The following WNT9B variants were observed in gnomAD, a reference collection of about 807,000 sequenced individuals.
WNT9B encodes the protein protein Wnt-9b.
A neutral mutation model predicts 30.2 loss-of-function variants in WNT9B; 12 were observed. The observed-to-expected ratio is 0.40, with a 90% confidence interval of 0.26 to 0.64. The LOEUF is 0.64. Among genes scored for constraint, WNT9B ranks in the 30% least tolerant of loss-of-function variants. WNT9B has a pLI of 0.42. For missense variants in WNT9B, 442 were observed against 485.2 expected, an observed-to-expected ratio of 0.91 and a Z score of 0.84; for synonymous variants, 218 against 216.9, an observed-to-expected ratio of 1.01 and a Z score of -0.05.
At chr17:46,837,408 G>C (rs1056901504) in intron 1 of WNT9B, among the ~76,000 whole-genome samples, 1 of 152,156 alleles carries the variant, frequency 6.6e-6, no homozygotes, top group African/African-American at 2.4e-5. Context: ...AATATTTGGG[G>C]GACTGGAGGG....
chr17:46,885,111 C>T (rs1415997580), downstream of WNT9B: 3 of 428,614 alleles, frequency 7.0e-6, no homozygotes, highest in Non-Finnish European at 9.4e-6. Context: ...GTCTCAGCTG[C>T]CTGAGTAACT....
In WNT9B at chr17:46,872,583, C is replaced by T. The variant is rs146743600; in HGVS notation, c.144C>T (p.Gly48=). 3.6e-4 allele frequency: 585 copies of T among 1,608,234 alleles called. 3 individuals carry two copies. In the African/African-American group the frequency reaches 6.9e-3, roughly 19 times the overall value. The change falls in exon 2 of 4, where the codon GGC becomes GGT. Residue 48 remains glycine, a synonymous_variant. Coordinates refer to ENST00000290015, the MANE Select transcript of WNT9B (RefSeq NM_003396.3). Reference sequence around the variant, plus strand: ...GCACTGCGGCAGCCCCGGCACAGGGCGGGGCCCACCTGAAGCAGTGTGACC... The same window carrying T: ...GCACTGCGGCAGCCCCGGCACAGGGTGGGGCCCACCTGAAGCAGTGTGACC... The part of the protein sequence containing the change: ...GLGTAAAPAQ[G]GAHLKQCDLL...
chr17:46,857,715 C>T (rs1160715788), intron 1 of WNT9B, among the ~76,000 whole-genome samples: 1 of 152,160 alleles, frequency 6.6e-6, no homozygotes, highest in African/African-American at 2.4e-5. Flanking sequence ...GTTCCAGTTG[C>T]TCCATATTCT....
At position 46,875,246 on chromosome 17, in the gene WNT9B, C is replaced by T. The variant is rs145114635; in HGVS notation, c.480C>T (p.Gly160=). The change falls in exon 3 of 4, where the codon GGC becomes GGT. Residue 160 remains glycine (G), a synonymous_variant. Coordinates refer to ENST00000290015, the MANE Select transcript of WNT9B (RefSeq NM_003396.3). ...AGAGCCGGCAGGCCTGGCAGTGGGG[C>T]GTGTGCGGTGACAACCTCAAGTACA... ...GLESRQAWQW[G]VCGDNLKYST... 1.7e-5 allele frequency: 27 copies of T among 1,614,170 alleles called. No individual in the cohort carries two copies. The East Asian group carries it at 2.2e-4, about 13-fold the overall frequency.
chr17:46,877,039 G>A lies in WNT9B; in HGVS notation c.*321G>A, dbSNP rs953948097. ...GCACAGCAGGACTGAAATTTTGGAC[G>A]GGAGAGAGGGGCTATTCCATCTTGC... is the stretch of plus-strand genomic sequence containing the variant. On this transcript the variant is annotated 3_prime_UTR_variant, in exon 4 of 4. Coordinates refer to ENST00000290015, the MANE Select transcript of WNT9B (RefSeq NM_003396.3). 32 of 1,161,308 alleles carry A rather than the reference G, an allele frequency of 2.8e-5. No homozygotes were observed. The African/African-American group carries it at 4.3e-4, about 16-fold the overall frequency. The allele number at this position is 1,161,308 out of a possible 1,614,324, so 71.9% of individuals were successfully genotyped here.
At chr17:46,856,275 A>G (rs375429464) in intron 1 of WNT9B, among the ~76,000 whole-genome samples, 2 of 152,128 alleles carry the variant, frequency 1.3e-5, no homozygotes, top group South Asian at 2.1e-4. Flanking sequence ...GGTGAGGCTT[A>G]ATTGAAACAA....
chr17:46,875,071 C>T lies in WNT9B; in HGVS notation c.335-30C>T. On this transcript the variant is annotated intron_variant, in intron 2 of 3. Coordinates refer to ENST00000290015, the MANE Select transcript of WNT9B (RefSeq NM_003396.3). ...CCTTTCCTCTCTTCCCCCTTTCCTC[C>T]CTCCCTATGCCCCTGGGTGCCCGAT... 1.5e-5 allele frequency: 24 copies of T among 1,613,450 alleles called. 1 individual carries two copies. The highest frequency in any genetic ancestry group is 2.0e-5 in the Non-Finnish European group (24 of 1,180,012).
chr17:46,851,626 C>A lies in WNT9B; in HGVS notation c.-13C>A. The A allele has an allele frequency of 8.0e-7, 1 of 1,256,322 alleles. No homozygotes were observed. The highest frequency in any genetic ancestry group is 1.0e-6 in the Non-Finnish European group (1 of 1,002,582). 77.8% of individuals were successfully genotyped at this position (1,256,322 alleles called of 1,614,324 possible). A position where few individuals can be genotyped will look rare whatever the true frequency, so the allele number is the denominator to read the frequency against. On this transcript the variant is annotated 5_prime_UTR_variant, in exon 1 of 4. Coordinates refer to ENST00000290015, the MANE Select transcript of WNT9B (RefSeq NM_003396.3). The surrounding 1 kb of genome is among the most constrained non-coding windows in gnomAD (Gnocchi z 4.3). The stretch of plus-strand genomic sequence containing the variant: ...CGCGAGGAGATGCTAGAGGGCGCAG[C>A]GCCGCCAGCACCATGCGCCCCCCGC...
rs1157047356 is a variant in WNT9B, at chr17:46,879,782, C to T, written c.*3064C>T. 4.6e-5 allele frequency among the ~76,000 whole-genome samples: 7 copies of T among 152,232 alleles called. No homozygotes were observed. Among genetic ancestry groups the T allele is most frequent in the Non-Finnish European group, 1.5e-5 (1 of 68,038 alleles). On this transcript the variant is annotated 3_prime_UTR_variant, in exon 4 of 4. Transcript: ENST00000290015. ...AGCCCAAGAACTCAGGGAAGCAGTT[C>T]CTTCCCAGGCTGTGATCCCAGCCTT...
chr17:46,833,585 G>C, intron 1 of WNT9B: 1 of 371,588 alleles, frequency 2.7e-6, no homozygotes, highest in Non-Finnish European at 5.3e-6. Flanking sequence ...TGCTCAGTGT[G>C]GTGGGCAGCC....
At chr17:46,842,097 C>G (rs1295518956) in intron 1 of WNT9B, among the ~76,000 whole-genome samples, 1 of 152,238 alleles carries the variant, frequency 6.6e-6, no homozygotes, top group Non-Finnish European at 1.5e-5. Flanking sequence ...TCTCCCACCA[C>G]TTGCCTTCTC....
intron 1 of WNT9B, among the ~76,000 whole-genome samples, chr17:46,859,225 C>G (rs2084992558): frequency 6.6e-6 from 1 of 152,164 alleles, no homozygotes; most frequent in Non-Finnish European, 1.5e-5. Flanking sequence ...ATCCACCTGC[C>G]TCGGCCTCCC....
chr17:46,849,743 T>C (rs1032628086), upstream of WNT9B, among the ~76,000 whole-genome samples: 1 of 152,024 alleles, frequency 6.6e-6, no homozygotes, highest in Non-Finnish European at 1.5e-5. Flanking sequence ...CAGACCACCA[T>C]CAACCCTCCT....
rs149418183 is a variant in WNT9B, at chr17:46,872,627, G to A, written c.188G>A (p.Arg63Gln). The change falls in exon 2 of 4, where the codon CGG becomes CAG. Residue 63 changes from arginine to glutamine, a missense_variant. Coordinates refer to ENST00000290015, the MANE Select transcript of WNT9B (RefSeq NM_003396.3). Reference sequence around the variant, plus strand: ...TGTGACCTGCTGAAGCTGTCCCGGCGGCAGAAGCAGCTCTGCCGGAGGGAG... The same window carrying A: ...TGTGACCTGCTGAAGCTGTCCCGGCAGCAGAAGCAGCTCTGCCGGAGGGAG... ...KQCDLLKLSRRQKQLCRREPG... is the reference protein window; with the variant it reads ...KQCDLLKLSRQQKQLCRREPG... The A allele has an allele frequency of 2.4e-5, 39 of 1,613,396 alleles. No homozygotes were observed. The East Asian group carries it at 2.7e-4, about 11-fold the overall frequency.
At position 46,876,490 on chromosome 17, in the gene WNT9B, G is replaced by C. The variant is rs754474; in HGVS notation, c.846G>C (p.Val282=). 44,433 of 1,613,578 alleles carry C rather than the reference G, an allele frequency of 0.028. 3,233 individuals are homozygous for C. Among genetic ancestry groups the C allele is most frequent in the African/African-American group, 0.28 (20,639 of 75,022 alleles). ...TGGCCCCAAGGTCTGGGGACCTGGT[G>C]TACATGGAGGACTCACCCAGCTTCT... ...KGLAPRSGDL[V]YMEDSPSFCR... The change falls in exon 4 of 4, where the codon GTG becomes GTC. Residue 282 remains valine, a synonymous_variant. Coordinates refer to ENST00000290015, the MANE Select transcript of WNT9B (RefSeq NM_003396.3).
chr17:46,876,673 C>T lies in WNT9B; in HGVS notation c.1029C>T (p.Cys343=). 6.3e-7 allele frequency: 1 copy of T among 1,591,192 alleles called. No homozygotes were observed. Among genetic ancestry groups the T allele is most frequent in the South Asian group, 1.1e-5 (1 of 88,114 alleles). ...CQVQWCCYVE[C]QQCVQEELVY... Reference sequence around the variant, plus strand: ...TGCAGTGGTGCTGCTACGTGGAGTGCCAGCAATGTGTGCAGGAGGAGCTTG... The same window carrying T: ...TGCAGTGGTGCTGCTACGTGGAGTGTCAGCAATGTGTGCAGGAGGAGCTTG... Residue 343 remains cysteine (C), a synonymous_variant, in exon 4 of 4, where the codon TGC becomes TGT. Coordinates refer to ENST00000290015, the MANE Select transcript of WNT9B (RefSeq NM_003396.3).
intron 1 of WNT9B, among the ~76,000 whole-genome samples, chr17:46,843,991 G>A (rs988168772): frequency 1.3e-5 from 2 of 152,234 alleles, no homozygotes; most frequent in Admixed American, 6.5e-5. Context: ...CTCTGTTGCA[G>A]TTCTTGCTCT....
At chr17:46,840,084 CTTCT>C (rs1021634166) in intron 1 of WNT9B, among the ~76,000 whole-genome samples, 2 of 119,406 alleles carry the variant, frequency 1.7e-5, no homozygotes, top group Non-Finnish European at 3.6e-5. Context: ...TCCTTCATTC[CTTCT>C]TTCTTTCTTT....
At chr17:46,839,968 C>CTTTCTT (rs1464815842) in intron 1 of WNT9B, among the ~76,000 whole-genome samples, 1 of 136,872 alleles carries the variant, frequency 7.3e-6, no homozygotes, top group African/African-American at 2.7e-5. Context: ...TTCTTTCTTT[C>CTTTCTT]TTTCTTTCTC....
Sources: allele counts gnomAD v4.1 joint callset (sites outside exome capture counted in the v4.1 genomes callset), GRCh38; gene constraint gnomAD v4.1.1; non-coding constraint Gnocchi (gnomAD v3.1); transcripts MANE v1.5; gene names NCBI Gene and HGNC (gene_info 2026-07-23, HGNC 2026-07-21).